The following DLG2 variants were observed in gnomAD, a reference collection of about 807,000 sequenced individuals.
DLG2 encodes disks large homolog 2.
DLG2 carries 45 observed loss-of-function variants against 132.5 expected under a neutral mutation model. That is an observed-to-expected ratio of 0.34 (90% CI 0.27 to 0.44). DLG2 has a LOEUF of 0.44. Ranked by LOEUF, DLG2 falls within the 20% of genes least tolerant of loss-of-function variation. DLG2 has a pLI of 1.00. For missense variants in DLG2, 1,045 were observed against 1,196.9 expected, an observed-to-expected ratio of 0.87 and a Z score of 1.87; for synonymous variants, 424 against 419.6, an observed-to-expected ratio of 1.01 and a Z score of -0.13.
chr11:85,549,833 C>T (rs1189825130), intron 3 of DLG2, among the ~76,000 whole-genome samples: 4 of 152,174 alleles, frequency 2.6e-5, no homozygotes, highest in East Asian at 3.8e-4. Flanking sequence ...CCTGCCAGAG[C>T]GATGACCAGT....
intron 6 of DLG2, among the ~76,000 whole-genome samples, chr11:85,108,567 T>C (rs2072192709): frequency 6.6e-6 from 1 of 151,994 alleles, no homozygotes; most frequent in Admixed American, 6.6e-5. Context: ...TTTTATTCTA[T>C]AAGATGAATT....
chr11:83,870,165 G>A (rs1293867858), intron 16 of DLG2, among the ~76,000 whole-genome samples: 2 of 152,154 alleles, frequency 1.3e-5, no homozygotes, highest in African/African-American at 4.8e-5. Flanking sequence ...AGAGGTACAA[G>A]TGCAATTTTG....
At chr11:84,673,180 T>G (rs896077212) in intron 6 of DLG2, among the ~76,000 whole-genome samples, 6 of 152,038 alleles carry the variant, frequency 3.9e-5, no homozygotes, top group Non-Finnish European at 7.4e-5. Context: ...GGACATGGAA[T>G]GCACAAGCTA....
chr11:85,293,217 A>C (rs1270883445), intron 3 of DLG2, among the ~76,000 whole-genome samples: 6 of 152,118 alleles, frequency 3.9e-5, no homozygotes, highest in Admixed American at 3.9e-4. Context: ...AGTGGTAAAA[A>C]ATAGGACAAA....
intron 8 of DLG2, among the ~76,000 whole-genome samples, chr11:84,222,079 C>G (rs1193103640): frequency 1.3e-5 from 2 of 151,990 alleles, no homozygotes; most frequent in African/African-American, 4.8e-5. Flanking sequence ...GTTGCCCAGG[C>G]TGGAGTGCAA....
At chr11:83,690,479 C>G (rs1049553204) in intron 18 of DLG2, among the ~76,000 whole-genome samples, 1 of 152,050 alleles carries the variant, frequency 6.6e-6, no homozygotes, top group South Asian at 2.1e-4. Flanking sequence ...GGCTCTCCCC[C>G]CTCAAAGGTC....
intron 14 of DLG2, among the ~76,000 whole-genome samples, chr11:83,959,257 A>T (rs1034645117): frequency 1.4e-4 from 21 of 152,130 alleles, no homozygotes; most frequent in African/African-American, 5.1e-4. Context: ...AATTATTTGA[A>T]TCAAAATTGC....
At chr11:84,246,537 C>A (rs1373459615) in intron 8 of DLG2, among the ~76,000 whole-genome samples, 1 of 152,020 alleles carries the variant, frequency 6.6e-6, no homozygotes, top group Non-Finnish European at 1.5e-5. Context: ...CTTGAAAATT[C>A]CTGACTTAAG....
chr11:85,568,933 C>T (rs922338560), intron 3 of DLG2, among the ~76,000 whole-genome samples: 3 of 152,102 alleles, frequency 2.0e-5, no homozygotes, highest in African/African-American at 7.2e-5. Flanking sequence ...TTTATTATTT[C>T]CTTCCCTGTT....
chr11:85,378,697 C>A (rs1055268296), intron 3 of DLG2, among the ~76,000 whole-genome samples: 1 of 152,072 alleles, frequency 6.6e-6, no homozygotes, highest in African/African-American at 2.4e-5. Flanking sequence ...ATAGACAACA[C>A]CTCCTAAATT....
intron 7 of DLG2, among the ~76,000 whole-genome samples, chr11:84,510,494 A>T (rs1200065053): frequency 6.6e-6 from 1 of 152,148 alleles, no homozygotes; most frequent in Non-Finnish European, 1.5e-5. Flanking sequence ...AGAACAACAT[A>T]GTTGTACTAC....
intron 6 of DLG2, among the ~76,000 whole-genome samples, chr11:84,827,675 T>TGAAAAA (rs1419837651): frequency 2.8e-4 from 1 of 3,584 alleles, no homozygotes. Context: ...GTACATACAG[T>TGAAAAA]CAAAAAAAAA....
chr11:84,603,122 G>C (rs573539012), intron 6 of DLG2, among the ~76,000 whole-genome samples: 2 of 151,898 alleles, frequency 1.3e-5, no homozygotes, highest in African/African-American at 4.8e-5. Flanking sequence ...CTTCTACTGA[G>C]AATTAATTGC....
At chr11:85,621,791 T>A (rs1389257640) in intron 2 of DLG2, among the ~76,000 whole-genome samples, 1 of 152,258 alleles carries the variant, frequency 6.6e-6, no homozygotes, top group Non-Finnish European at 1.5e-5. Context: ...CCAGTGAAGA[T>A]GTTGTGAACA....
intron 3 of DLG2, among the ~76,000 whole-genome samples, chr11:85,481,554 C>T (rs767056717): frequency 6.6e-6 from 1 of 152,036 alleles, no homozygotes; most frequent in Admixed American, 6.5e-5. Flanking sequence ...AAGACTTTGC[C>T]TCAGATTCCA....
intron 7 of DLG2, among the ~76,000 whole-genome samples, chr11:84,397,369 A>G (rs2098814239): frequency 6.6e-6 from 1 of 152,234 alleles, no homozygotes; most frequent in African/African-American, 2.4e-5. Context: ...AGACAATGCT[A>G]TGTGCTCACC....
chr11:84,653,193 G>C (rs1371295470), intron 6 of DLG2, among the ~76,000 whole-genome samples: 1 of 152,126 alleles, frequency 6.6e-6, no homozygotes, highest in Non-Finnish European at 1.5e-5. Flanking sequence ...GCCTCCCAAA[G>C]GGCTGGAATT....
intron 3 of DLG2, among the ~76,000 whole-genome samples, chr11:85,394,302 A>G (rs1160249387): frequency 1.3e-5 from 2 of 152,204 alleles, no homozygotes; most frequent in Admixed American, 1.3e-4. Flanking sequence ...AATATATTTC[A>G]TTTTTATTTG....
chr11:85,161,474 T>C (rs2078025072), intron 4 of DLG2, among the ~76,000 whole-genome samples: 1 of 152,208 alleles, frequency 6.6e-6, no homozygotes, highest in Non-Finnish European at 1.5e-5. Context: ...AGGTTGATTA[T>C]ATTGGACCTC....
Sources: allele counts gnomAD v4.1 joint callset (sites outside exome capture counted in the v4.1 genomes callset), GRCh38; gene constraint gnomAD v4.1.1; transcripts MANE v1.5; gene names NCBI Gene and HGNC (gene_info 2026-07-23, HGNC 2026-07-21).